Variants in MNAT1 observed in about 807,000 individuals in gnomAD.
MNAT1 encodes CDK-activating kinase assembly factor MAT1.
MNAT1 carries 43 observed loss-of-function variants against 42.0 expected under a neutral mutation model. That is an observed-to-expected ratio of 1.02 (90% CI 0.80 to 1.32). The LOEUF (loss-of-function observed/expected upper bound fraction) is 1.32. MNAT1 is among the 40% of genes most tolerant of loss of function. MNAT1 has a pLI of 0.00. For missense variants in MNAT1, 306 were observed against 350.4 expected, an observed-to-expected ratio of 0.87 and a Z score of 1.01; for synonymous variants, 118 against 120.0, an observed-to-expected ratio of 0.98 and a Z score of 0.11.
At chr14:60,896,991 A>T (rs2034972039) in intron 7 of MNAT1, among the ~76,000 whole-genome samples, 1 of 152,232 alleles carries the variant, frequency 6.6e-6, no homozygotes, top group Non-Finnish European at 1.5e-5. Flanking sequence ...CAAGAAATCA[A>T]TTGACAGATT....
chr14:60,903,517 C>A (rs947903192), intron 7 of MNAT1, among the ~76,000 whole-genome samples: 2 of 152,066 alleles, frequency 1.3e-5, no homozygotes, highest in African/African-American at 2.4e-5. Context: ...AAGCATAATT[C>A]ACATACAATA....
At chr14:60,804,304 A>C (rs910959679) in intron 3 of MNAT1, among the ~76,000 whole-genome samples, 1 of 152,180 alleles carries the variant, frequency 6.6e-6, no homozygotes, top group African/African-American at 2.4e-5. Flanking sequence ...TATTGTACCA[A>C]CCTGATTCAT....
chr14:60,934,826 T>C (rs2035960521), intron 7 of MNAT1, among the ~76,000 whole-genome samples: 2 of 152,234 alleles, frequency 1.3e-5, no homozygotes, highest in Admixed American at 1.3e-4. Flanking sequence ...TTCCCTTGCC[T>C]GTGGAAGGCA....
At chr14:60,937,904 A>C (rs539261575) in intron 7 of MNAT1, among the ~76,000 whole-genome samples, 12 of 152,000 alleles carry the variant, frequency 7.9e-5, no homozygotes, top group Admixed American at 2.0e-4. Flanking sequence ...CTTTTATTTC[A>C]TTGAGCAGTG....
At chr14:60,863,060 T>TAACAAC (rs200010565) in intron 6 of MNAT1, among the ~76,000 whole-genome samples, 1 of 151,908 alleles carries the variant, frequency 6.6e-6, no homozygotes, top group Non-Finnish European at 1.5e-5. Context: ...ATTCGAAATT[T>TAACAAC]AACAACAACA....
intron 7 of MNAT1, among the ~76,000 whole-genome samples, chr14:60,886,422 T>A (rs1187938645): frequency 6.6e-6 from 1 of 152,048 alleles, no homozygotes; most frequent in Non-Finnish European, 1.5e-5. Flanking sequence ...TGTTTCATAT[T>A]TTTCAGTGTG....
At chr14:60,872,293 A>C (rs1472424543) in intron 6 of MNAT1, among the ~76,000 whole-genome samples, 1 of 152,186 alleles carries the variant, frequency 6.6e-6, no homozygotes, top group Non-Finnish European at 1.5e-5. Context: ...TGAAGGCTCC[A>C]GTCCCATGAC....
intron 3 of MNAT1, among the ~76,000 whole-genome samples, chr14:60,804,879 T>C (rs1393331320): frequency 2.0e-5 from 3 of 152,158 alleles, no homozygotes; most frequent in Admixed American, 6.5e-5. Flanking sequence ...ATTTCTGGGC[T>C]CTATTTAATG....
chr14:60,866,877 A>C (rs1441640805), intron 6 of MNAT1, among the ~76,000 whole-genome samples: 1 of 152,012 alleles, frequency 6.6e-6, no homozygotes, highest in East Asian at 1.9e-4. Context: ...TCATTTTTGA[A>C]GTTCTTAAGG....
In MNAT1 at chr14:60,968,693, TTC is replaced by T. The variant is rs2036728773; in HGVS notation, c.*348_*349del. Reference sequence around the variant, plus strand: ...TAATTTATATTAAGTTCTGTGGTTTTTCTCTTATTACAGTGTTTTACTTGAAC... The same window carrying T: ...TAATTTATATTAAGTTCTGTGGTTTTTCTTATTACAGTGTTTTACTTGAAC... On this transcript the variant is annotated 3_prime_UTR_variant, in exon 8 of 8. Transcript: ENST00000261245. 1 of 400,942 alleles carries T rather than the reference TTC, an allele frequency of 2.5e-6. No individual in the cohort carries two copies. Among genetic ancestry groups the T allele is most frequent in the Non-Finnish European group, 4.3e-6 (1 of 234,328 alleles). The allele number at this position is 400,942 out of a possible 1,614,324, so 24.8% of individuals were successfully genotyped here. A position where few individuals can be genotyped will look rare whatever the true frequency, so the allele number is the denominator to read the frequency against.
chr14:60,858,514 C>G (rs966150198), intron 6 of MNAT1, among the ~76,000 whole-genome samples: 12 of 151,608 alleles, frequency 7.9e-5, no homozygotes, highest in African/African-American at 2.7e-4. Flanking sequence ...TTCTCCCATT[C>G]TGTAGGTTGC....
rs1387219381 is a variant in MNAT1 at position 60,968,214 on chromosome 14, CTTGTT to C, written c.810-7_810-3del. The C allele has an allele frequency of 1.3e-6, 2 of 1,585,014 alleles. No individual in the cohort carries two copies. Among genetic ancestry groups the C allele is most frequent in the Non-Finnish European group, 1.7e-6 (2 of 1,158,598 alleles). On this transcript the variant is annotated splice_polypyrimidine_tract_variant and intron_variant, in intron 7 of 7. Transcript: ENST00000261245. ...TGCTTTGTATATCAATGCTACACTTCTTGTTTTGTTTTAGGTATTTAAACCATGTC... is the reference window on the plus strand; with the variant it reads ...TGCTTTGTATATCAATGCTACACTTCTTGTTTTAGGTATTTAAACCATGTC...
At chr14:60,849,320 T>C (rs2033762885) in intron 6 of MNAT1, among the ~76,000 whole-genome samples, 2 of 152,190 alleles carry the variant, frequency 1.3e-5, no homozygotes, top group Admixed American at 1.3e-4. Context: ...TTACAGATCA[T>C]TGCTTAACAA....
intron 7 of MNAT1, among the ~76,000 whole-genome samples, chr14:60,943,502 C>T (rs781595501): frequency 6.6e-6 from 1 of 152,158 alleles, no homozygotes; most frequent in Non-Finnish European, 1.5e-5. Context: ...GGGTCATCTT[C>T]TGGCTAATCT....
intron 1 of MNAT1, 92 bp downstream of exon 1, chr14:60,735,043 G>T: frequency 8.0e-7 from 1 of 1,249,450 alleles, no homozygotes; most frequent in South Asian, 1.2e-5. Flanking sequence ...TGGGAGCAAA[G>T]GGCGTTGTTA....
chr14:60,758,520 C>G (rs1012621270), intron 1 of MNAT1, among the ~76,000 whole-genome samples: 6 of 151,928 alleles, frequency 3.9e-5, no homozygotes, highest in Non-Finnish European at 7.4e-5. Flanking sequence ...ACTATTTCAA[C>G]TGTCTCCTGG....
At chr14:60,903,070 C>T (rs1322734591) in intron 7 of MNAT1, among the ~76,000 whole-genome samples, 2 of 150,438 alleles carry the variant, frequency 1.3e-5, no homozygotes, top group East Asian at 1.9e-4. Context: ...TAGTTTCTTT[C>T]TGTTTTTTTT....
intron 7 of MNAT1, among the ~76,000 whole-genome samples, chr14:60,896,426 A>T (rs2034958023): frequency 6.6e-6 from 1 of 152,212 alleles, no homozygotes; most frequent in Non-Finnish European, 1.5e-5. Context: ...ATTGATACAA[A>T]TCATGAGCAT....
intron 7 of MNAT1, among the ~76,000 whole-genome samples, chr14:60,964,062 A>G (rs1237648929): frequency 6.6e-6 from 1 of 152,188 alleles, no homozygotes; most frequent in East Asian, 1.9e-4. Flanking sequence ...AAGGAAGGGA[A>G]ATAGGAAAAG....
Sources: gnomAD v4.1 joint callset for allele counts (sites outside exome capture counted in the v4.1 genomes callset) on GRCh38, gnomAD v4.1.1 for gene constraint, MANE v1.5 for transcripts, NCBI Gene and HGNC (gene_info 2026-07-23, HGNC 2026-07-21) for gene names.